Variants in HEPH observed in about 807,000 individuals in gnomAD.
HEPH encodes hephaestin.
A neutral mutation model predicts 80.8 loss-of-function variants in HEPH; 69 were observed. The observed-to-expected ratio is 0.85, with a 90% CI of 0.70 to 1.04. The LOEUF is 1.04. Among genes scored for constraint, HEPH ranks in the 50% least tolerant of loss-of-function variants. The pLI is 0.00. For synonymous variants in HEPH, 431 were observed against 322.8 expected (o/e 1.34, Z -3.60); for missense variants, 1,115 against 891.3 (o/e 1.25, Z -3.20).
At chrX:66,250,492 G>A (rs1158603090) in intron 15 of HEPH, among the ~76,000 whole-genome samples, 1 of 111,408 alleles carries the variant, frequency 9.0e-6, no homozygotes, top group Non-Finnish European at 1.9e-5. Flanking sequence ...AGGAATTAGA[G>A]CAGTTACTTT....
intron 7 of HEPH, 84 bp from the exon 8 acceptor site, chrX:66,193,418 C>T: frequency 1.5e-5 from 9 of 600,344 alleles, no homozygotes; most frequent in Non-Finnish European, 2.2e-5. Flanking sequence ...TATAAAGATT[C>T]ATAACTTGGT....
At chrX:66,256,649 G>A (rs192402996) in intron 17 of HEPH, among the ~76,000 whole-genome samples, 2 of 111,900 alleles carry the variant, frequency 1.8e-5, no homozygotes, top group Admixed American at 9.5e-5. Context: ...TACTTGTCAA[G>A]CTGGCTGCTT....
intron 3 of HEPH, 85 bp from the exon 4 acceptor site, chrX:66,173,504 C>T: frequency 7.8e-6 from 5 of 642,324 alleles, no homozygotes; most frequent in Non-Finnish European, 1.2e-5. Context: ...ACCTAGGGTT[C>T]TACATGTCAG....
At chrX:66,207,385 A>G (rs2088850871) in intron 14 of HEPH, 51 bp downstream of exon 14, 1 of 1,012,919 alleles carries the variant, frequency 9.9e-7, no homozygotes, top group Non-Finnish European at 1.3e-6. Flanking sequence ...AACTCCACCT[A>G]GGGAAGCTAT....
chrX:66,251,857 A>G (rs189690458), intron 15 of HEPH, among the ~76,000 whole-genome samples: 5 of 112,380 alleles, frequency 4.4e-5, no homozygotes, highest in African/African-American at 1.6e-4. Flanking sequence ...AAGTAAGATC[A>G]TGTAGAGTCT....
intron 4 of HEPH, among the ~76,000 whole-genome samples, chrX:66,186,708 G>A (rs1022604674): frequency 9.0e-6 from 1 of 111,529 alleles, no homozygotes; most frequent in Non-Finnish European, 1.9e-5. Context: ...GTTCCTATTC[G>A]GCCATCTTTG....
intron 15 of HEPH, among the ~76,000 whole-genome samples, chrX:66,214,720 A>G (rs746518214): frequency 7.0e-4 from 65 of 92,347 alleles, no homozygotes; most frequent in African/African-American, 3.2e-3. Flanking sequence ...CTTTATATAG[A>G]AAGAAAATTT....
In HEPH at chrX:66,172,584, G is replaced by A. The variant is rs1156301239; in HGVS notation, c.397G>A (p.Glu133Lys). ...CATCCACCCTCATGGTGTCTTCTACGAGAAGGACTCTGAAGGTAAACCATT... is the reference window on the plus strand; with the variant it reads ...CATCCACCCTCATGGTGTCTTCTACAAGAAGGACTCTGAAGGTAAACCATT... The part of the protein sequence containing the change: ...YTIHPHGVFY[E>K]KDSEGSLYPD... The change falls in exon 3 of 21, where the codon GAG becomes AAG. Residue 133 changes from glutamate (E) to lysine (K), a missense_variant. This residue lies in a region of HEPH where 391 missense variants were observed against 343.6 expected (regional missense o/e 1.14). Transcript: ENST00000343002. 9.5e-6 allele frequency: 11 copies of A among 1,158,475 alleles called. No individual in the cohort carries two copies. Among genetic ancestry groups the A allele is most frequent in the African/African-American group, 3.6e-5 (2 of 55,966 alleles).
intron 4 of HEPH, among the ~76,000 whole-genome samples, chrX:66,188,075 TG>T (rs1296755520): frequency 6.3e-5 from 7 of 110,963 alleles, no homozygotes; most frequent in Non-Finnish European, 1.3e-4. Flanking sequence ...GGCAGGAATG[TG>T]GTCAGGTTCA....
In HEPH at chrX:66,200,679, G is replaced by A. The variant is rs780630720; in HGVS notation, c.2004G>A (p.Gln668=). The A allele has an allele frequency of 4.1e-6, 5 of 1,209,848 alleles. No homozygotes were observed. In the East Asian group the frequency reaches 1.2e-4, roughly 29 times the overall value. The change falls in exon 12 of 21, where the codon CAG becomes CAA. Residue 668 remains glutamine (Q), a synonymous_variant. Coordinates refer to ENST00000343002, the MANE Select transcript of HEPH (RefSeq NM_001367233.3). The stretch of plus-strand genomic sequence containing the variant: ...TCCAGGGCAACACTGTGCAGCTTCA[G>A]GGCATGAGGAAGGGTGCAGCTATGC... ...VMFQGNTVQL[Q]GMRKGAAMLF...
In HEPH at chrX:66,188,352, G is replaced by A. The variant is rs750541745; in HGVS notation, c.626-7G>A. 9 of 1,167,006 alleles carry A rather than the reference G, an allele frequency of 7.7e-6. No individual in the cohort carries two copies. In the African/African-American group the frequency reaches 1.2e-4, roughly 16 times the overall value. On this transcript the variant is annotated splice_polypyrimidine_tract_variant and splice_region_variant and intron_variant, in intron 4 of 20. Coordinates refer to ENST00000343002, the MANE Select transcript of HEPH (RefSeq NM_001367233.3). Reference sequence around the variant, plus strand: ...CTTCTCAAGGGAAACTGTCTTACTTGCCCTAGGAGCCCTGGATGGGAACTC... The same window carrying A: ...CTTCTCAAGGGAAACTGTCTTACTTACCCTAGGAGCCCTGGATGGGAACTC...
At chrX:66,263,520 C>T (rs1274842332) in intron 19 of HEPH, 124 bp from the exon 20 acceptor site, 4 of 669,478 alleles carry the variant, frequency 6.0e-6, no homozygotes, top group Admixed American at 2.6e-5. Context: ...GTAAATTCTG[C>T]CTTTATTTTG....
chrX:66,178,773 C>A (rs1335941307), intron 4 of HEPH, among the ~76,000 whole-genome samples: 1 of 112,038 alleles, frequency 8.9e-6, no homozygotes, highest in African/African-American at 3.2e-5. Flanking sequence ...ATATCCTTCG[C>A]CCACTTTTTG....
chrX:66,174,485 C>CT (rs760580118), intron 4 of HEPH, among the ~76,000 whole-genome samples: 3 of 111,902 alleles, frequency 2.7e-5, no homozygotes, highest in Non-Finnish European at 3.8e-5. Flanking sequence ...GTGCAAGTAT[C>CT]TTTTTTGTAT....
At chrX:66,227,759 C>CT (rs965388750) in intron 15 of HEPH, among the ~76,000 whole-genome samples, 6 of 111,018 alleles carry the variant, frequency 5.4e-5, no homozygotes, top group African/African-American at 2.0e-4. Flanking sequence ...CTCTATGTGC[C>CT]TTTTTTTATA....
chrX:66,218,162 CTA>C (rs773739491), intron 15 of HEPH, among the ~76,000 whole-genome samples: 1 of 111,285 alleles, frequency 9.0e-6, no homozygotes, highest in Non-Finnish European at 1.9e-5. Context: ...TGGACTTAAA[CTA>C]TACCTAGAAC....
Position 66,173,741 on chromosome X carries a change from G to A in HEPH, c.565G>A (p.Val189Ile). The part of the protein sequence containing the change: ...ACLTWIYHSH[V>I]DAPRDIATGL... Reference sequence around the variant, plus strand: ...CCTCACCTGGATCTACCATTCTCATGTAGATGCTCCACGAGACATTGCAAC... The same window carrying A: ...CCTCACCTGGATCTACCATTCTCATATAGATGCTCCACGAGACATTGCAAC... Residue 189 changes from valine to isoleucine, a missense_variant, in exon 4 of 21, where the codon GTA (valine) becomes ATA (isoleucine). Coordinates refer to ENST00000343002, the MANE Select transcript of HEPH (RefSeq NM_001367233.3). 5 of 1,207,666 alleles carry A rather than the reference G, an allele frequency of 4.1e-6. No individual in the cohort carries two copies. Among genetic ancestry groups the A allele is most frequent in the Non-Finnish European group, 5.6e-6 (5 of 893,456 alleles).
intron 15 of HEPH, among the ~76,000 whole-genome samples, chrX:66,220,606 C>T (rs1210686860): frequency 8.9e-6 from 1 of 112,092 alleles, no homozygotes; most frequent in Non-Finnish European, 1.9e-5. Flanking sequence ...TAACTCATGA[C>T]AAATGTACTT....
chrX:66,237,513 T>A (rs1001715125), intron 15 of HEPH, among the ~76,000 whole-genome samples: 1 of 112,312 alleles, frequency 8.9e-6, no homozygotes, highest in African/African-American at 3.2e-5. Context: ...ATTTCAGTTT[T>A]TTTGCATTTG....
Sources: allele counts gnomAD v4.1 joint callset (sites outside exome capture counted in the v4.1 genomes callset), GRCh38; gene constraint gnomAD v4.1.1; regional missense constraint gnomAD v4.1.1; transcripts MANE v1.5; gene names NCBI Gene and HGNC (gene_info 2026-07-23, HGNC 2026-07-21).